The following CPA5 variants were observed in gnomAD, a reference collection of about 807,000 sequenced individuals.
CPA5 encodes carboxypeptidase A5.
In CPA5, 38 loss-of-function variants were observed where a neutral mutation model predicts 52.2. The ratio of observed to expected loss-of-function variants is 0.73; its 90% confidence interval spans 0.56 to 0.95. The LOEUF is 0.95. Ranked by LOEUF, CPA5 falls within the 40% of genes least tolerant of loss-of-function variation. The probability of loss-of-function intolerance (pLI) is 0.00; values close to 1 mark genes in which losing one functional copy is unlikely to be tolerated. For synonymous variants in CPA5, 198 were observed against 213.7 expected, an observed-to-expected ratio of 0.93 and a Z score of 0.64; for missense variants, 519 against 566.7, an observed-to-expected ratio of 0.92 and a Z score of 0.86.
chr7:130,362,938 G>A lies in CPA5; in HGVS notation c.691G>A (p.Asp231Asn), dbSNP rs1337360158. Reference protein sequence around the residue: ...RVLTDILNAMDIFIELVTNPD... With the variant: ...RVLTDILNAMNIFIELVTNPD... ...CCTGACAGACATACTGAATGCCATG[G>A]ACATCTTCATAGAGCTCGTCACAAA... Residue 231 changes from aspartate to asparagine, a missense_variant, in exon 9 of 13, where the codon GAC (aspartate) becomes AAC (asparagine). Physicochemically the swap from Asp to Asn is conservative, Grantham distance 23. Transcript: ENST00000474905. 3.1e-6 allele frequency: 5 copies of A among 1,613,868 alleles called. No individual in the cohort carries two copies. In the Admixed American group the frequency reaches 6.7e-5, roughly 22 times the overall value.
In CPA5 at chr7:130,347,773, G is replaced by A. The variant is rs1349007818; in HGVS notation, c.124G>A (p.Val42Ile). Residue 42 changes from valine (V) to isoleucine (I), a missense_variant, in exon 4 of 13, where the codon GTT becomes ATT. Physicochemically the swap from Val to Ile is conservative, Grantham distance 29. Transcript: ENST00000474905. ...LGQMNFTGDQ[V>I]LRVLAKDEKQ... ...CTCCCTGTGTTTTTCTAGGGACCAG[G>A]TTCTTCGAGTCCTGGCCAAAGATGA... 1 of 1,613,796 alleles carries A rather than the reference G, an allele frequency of 6.2e-7. No homozygotes were observed. Among genetic ancestry groups the A allele is most frequent in the Non-Finnish European group, 8.5e-7 (1 of 1,179,918 alleles).
At position 130,368,471 on chromosome 7, in the gene CPA5, C is replaced by T; in HGVS notation, c.1185C>T (p.Ser395=). The T allele has an allele frequency of 6.2e-7, 1 of 1,614,168 alleles. No individual in the cohort carries two copies. ...AYDSGIKYAF[S]FELRDTGQYG... ...ACAGTGGCATCAAGTACGCCTTCAGCTTTGAGCTCCGGGACACTGGGCAGT... is the reference window on the plus strand; with the variant it reads ...ACAGTGGCATCAAGTACGCCTTCAGTTTTGAGCTCCGGGACACTGGGCAGT... Residue 395 remains serine (S), a synonymous_variant, in exon 13 of 13, where the codon AGC becomes AGT. Coordinates refer to ENST00000474905, the MANE Select transcript of CPA5 (RefSeq NM_080385.5).
chr7:130,350,626 C>T (rs548247009), intron 5 of CPA5, among the ~76,000 whole-genome samples: 3 of 152,200 alleles, frequency 2.0e-5, no homozygotes, highest in African/African-American at 4.8e-5. Flanking sequence ...CCGCTTGGCT[C>T]TCCGCACGGG....
intron 7 of CPA5, 47 bp downstream of exon 7, chr7:130,361,291 T>A: frequency 7.6e-7 from 1 of 1,320,350 alleles, no homozygotes; most frequent in Non-Finnish European, 1.1e-6. Flanking sequence ...TGAGGGCCTC[T>A]GGCATAAGAT....
At chr7:130,374,320 A>G in the CPA5 span, among the ~76,000 whole-genome samples, 1 of 152,044 alleles carries the variant, frequency 6.6e-6, no homozygotes, top group Non-Finnish European at 1.5e-5. Flanking sequence ...TGGTTGACTG[A>G]GGTTCTTCTT....
downstream of CPA5, among the ~76,000 whole-genome samples, chr7:130,370,514 AT>A (rs1178214232): frequency 6.6e-6 from 1 of 152,092 alleles, no homozygotes; most frequent in Admixed American, 6.5e-5. Context: ...CGATACAAAT[AT>A]TTTTATTTTT....
chr7:130,367,717 G>A lies in CPA5; in HGVS notation c.1038+146G>A, dbSNP rs374390505. 1.5e-3 allele frequency: 1,355 copies of A among 896,188 alleles called. 21 individuals carry two copies. The South Asian group carries it at 0.02, about 13-fold the overall frequency. The allele number at this position is 896,188 out of a possible 1,614,324, so 55.5% of individuals were successfully genotyped here. A position where few individuals can be genotyped will look rare whatever the true frequency, so the allele number is the denominator to read the frequency against. Reference sequence around the variant, plus strand: ...CCATGGTGCGGGGGTGGGGTAGGGGGAGCTTGCTGTTCTCACGTGTGATCA... The same window carrying A: ...CCATGGTGCGGGGGTGGGGTAGGGGAAGCTTGCTGTTCTCACGTGTGATCA... On this transcript the variant is annotated intron_variant, in intron 11 of 12. Coordinates refer to ENST00000474905, the MANE Select transcript of CPA5 (RefSeq NM_080385.5).
rs782258538 is a variant in CPA5, at chr7:130,362,888, T to G, written c.641T>G (p.Val214Gly). The G allele has an allele frequency of 1.9e-6, 3 of 1,608,308 alleles. No individual in the cohort carries two copies. The highest frequency in any genetic ancestry group is 3.3e-5 in the Admixed American group (2 of 59,970). ...ATGIWTANKI[V>G]SDYGKDRVLT... ...CCTCCTCACTCTTTCTTGCAGATTG[T>G]CAGTGATTATGGCAAAGACCGTGTC... Residue 214 changes from valine (V) to glycine (G), a missense_variant, in exon 9 of 13, where the codon GTC (valine) becomes GGC (glycine). Val to Gly is a moderately radical substitution (Grantham distance 109). Transcript: ENST00000474905.
intron 8 of CPA5, 108 bp downstream of exon 8, chr7:130,362,647 T>C (rs1407107725): frequency 7.6e-6 from 6 of 792,350 alleles, no homozygotes; most frequent in African/African-American, 6.8e-5. Flanking sequence ...CTCAGGGTGC[T>C]GTCTCCATCC....
intron 10 of CPA5, among the ~76,000 whole-genome samples, 174 bp from the exon 11 acceptor site, chr7:130,367,198 C>A (rs572507392): frequency 1.9e-4 from 29 of 152,208 alleles, no homozygotes; most frequent in Admixed American, 1.5e-3. Context: ...CAATCTCAAC[C>A]CAGAAGTGCC....
At chr7:130,368,047 C>A in intron 12 of CPA5, 57 bp downstream of exon 12, 1 of 1,502,894 alleles carries the variant, frequency 6.7e-7, no homozygotes, top group South Asian at 1.1e-5. Flanking sequence ...GGGCTGGCTG[C>A]AGGGCAGTGC....
downstream of CPA5, among the ~76,000 whole-genome samples, chr7:130,371,115 T>C (rs1452729773): frequency 6.6e-6 from 1 of 152,150 alleles, no homozygotes; most frequent in Non-Finnish European, 1.5e-5. Flanking sequence ...AAGTCTCTAG[T>C]GGGTGGGGCC....
intron 8 of CPA5, 53 bp downstream of exon 8, chr7:130,362,592 G>A (rs1222884806): frequency 2.7e-5 from 35 of 1,317,060 alleles, no homozygotes; most frequent in Middle Eastern, 1.8e-4. Context: ...TGCAACTGGG[G>A]GCAGGAACTT....
At chr7:130,350,261 C>T (rs1417379699) in intron 5 of CPA5, 152 bp downstream of exon 5, 7 of 812,768 alleles carry the variant, frequency 8.6e-6, no homozygotes, top group Non-Finnish European at 1.1e-5. Context: ...GGAAGTGAGC[C>T]GCACGCTTCT....
At chr7:130,359,471 G>A (rs1554405991) in intron 5 of CPA5, 118 bp from the exon 6 acceptor site, 2 of 676,792 alleles carry the variant, frequency 3.0e-6, no homozygotes, top group African/African-American at 3.6e-5. Flanking sequence ...CACTCATGGT[G>A]GCTCATTCTC....
In CPA5 at chr7:130,345,826, T is replaced by C. The variant is rs149425801; in HGVS notation, c.-151-13T>C. 3 of 152,372 alleles carry C rather than the reference T, an allele frequency of 2.0e-5. No homozygotes were observed. In the East Asian group the frequency reaches 5.8e-4, roughly 29 times the overall value. The allele number at this position is 152,372 out of a possible 1,614,324, so 9.4% of individuals were successfully genotyped here. A position where few individuals can be genotyped will look rare whatever the true frequency, so the allele number is the denominator to read the frequency against. On this transcript the variant is annotated splice_polypyrimidine_tract_variant and intron_variant, in intron 1 of 12. Transcript: ENST00000474905. ...TTAATGCCTTTTGAATAATAATACA[T>C]TGCATTTTGCAGGCTTTACCAAGCC...
At chr7:130,373,731 C>A in the CPA5 span, among the ~76,000 whole-genome samples, 1 of 152,168 alleles carries the variant, frequency 6.6e-6, no homozygotes, top group Admixed American at 6.5e-5. Flanking sequence ...CCCAGGCAGC[C>A]GGTCAGCACA....
rs560281766 is a variant in CPA5, at chr7:130,352,405, G to A, written c.333+2296G>A. On this transcript the variant is annotated intron_variant, in intron 5 of 12. Coordinates refer to ENST00000474905, the MANE Select transcript of CPA5 (RefSeq NM_080385.5). ...GGTGGTTACAATGGAGTGGATGAGCGACTGATGGAGTGAGGGCGGTTGCTA... is the reference window on the plus strand; with the variant it reads ...GGTGGTTACAATGGAGTGGATGAGCAACTGATGGAGTGAGGGCGGTTGCTA... Among the ~76,000 whole-genome samples the A allele has an allele frequency of 6.6e-5, 10 of 152,230 alleles. No individual in the cohort carries two copies. In the East Asian group the frequency reaches 1.5e-3, roughly 23 times the overall value.
At chr7:130,366,120 T>C (rs1796069542) in intron 10 of CPA5, among the ~76,000 whole-genome samples, 1 of 152,236 alleles carries the variant, frequency 6.6e-6, no homozygotes, top group South Asian at 2.1e-4. Context: ...AATGGCTGTG[T>C]AATGAGTAAC....
Sources: gnomAD v4.1 joint callset for allele counts (sites outside exome capture counted in the v4.1 genomes callset) on GRCh38, gnomAD v4.1.1 for gene constraint, MANE v1.5 for transcripts, NCBI Gene and HGNC (gene_info 2026-07-23, HGNC 2026-07-21) for gene names.